Variants in UGGT2 observed in about 807,000 individuals in gnomAD.
UGGT2 encodes the protein UDP-glucose:glycoprotein glucosyltransferase 2.
UGGT2 carries 180 observed loss-of-function variants against 192.1 expected under a neutral mutation model. The observed-to-expected ratio is 0.94, with a 90% CI of 0.83 to 1.06. UGGT2 has a LOEUF of 1.06. Ranked by LOEUF, UGGT2 falls within the 50% of genes least tolerant of loss-of-function variation. The pLI, the probability that UGGT2 is intolerant of heterozygous loss-of-function variation, is 0.00. For synonymous variants in UGGT2, 580 were observed against 591.0 expected, an observed-to-expected ratio of 0.98 and a Z score of 0.27; for missense variants, 1,849 against 1,795.7, an observed-to-expected ratio of 1.03 and a Z score of -0.54.
chr13:95,808,091 A>G (rs182838863), intron 38 of UGGT2, among the ~76,000 whole-genome samples: 17 of 152,268 alleles, frequency 1.1e-4, no homozygotes, highest in Admixed American at 6.5e-4. Flanking sequence ...GGGTGGCCAG[A>G]GAGCATTGCC....
chr13:95,904,546 T>C (rs868595037), intron 20 of UGGT2, among the ~76,000 whole-genome samples: 2,930 of 149,690 alleles, frequency 0.02, 94 homozygotes, highest in African/African-American at 0.069. Context: ...ATATGCGGTG[T>C]TTGGTTTTTT....
rs900288396 is a variant in UGGT2 at position 95,985,289 on chromosome 13, G to A, written c.1031+1044C>T. The A allele has an allele frequency of 3.9e-6, 5 of 1,285,814 alleles. No individual in the cohort carries two copies. In the Admixed American group the frequency reaches 9.9e-5, roughly 26 times the overall value. The allele number at this position is 1,285,814 out of a possible 1,614,324, so 79.7% of individuals were successfully genotyped here. On this transcript the variant is annotated intron_variant, in intron 9 of 38. Transcript: ENST00000376747. The stretch of plus-strand genomic sequence containing the variant: ...ATAAATGACGACTTCTCAAATTCTT[G>A]ACATTTAAAGTTGACTGAAAGAGGC...
At chr13:95,910,522 T>C (rs1449062049) in intron 20 of UGGT2, among the ~76,000 whole-genome samples, 1 of 152,082 alleles carries the variant, frequency 6.6e-6, no homozygotes, top group East Asian at 1.9e-4. Flanking sequence ...ACGGATGAAT[T>C]GAACAAGAAT....
In UGGT2 at chr13:95,947,050, A is replaced by ATT; in HGVS notation, c.1663_1664insAA (p.Ile555LysfsTer4). On this transcript the variant is annotated frameshift_variant, in exon 15 of 39. Transcript: ENST00000376747. LOFTEE classifies it high-confidence loss of function. ...GCATAAACTCACGTGTACTATAGAAATAAATGCTTCTGATATATCAAATTC... is the reference window on the plus strand; with the variant it reads ...GCATAAACTCACGTGTACTATAGAAATTTAAATGCTTCTGATATATCAAATTC... 6.3e-7 allele frequency: 1 copy of ATT among 1,599,514 alleles called. No individual in the cohort carries two copies. The highest frequency in any genetic ancestry group is 8.5e-7 in the Non-Finnish European group (1 of 1,175,962).
At chr13:95,813,698 T>G (rs1407482687) in intron 38 of UGGT2, among the ~76,000 whole-genome samples, 1 of 152,192 alleles carries the variant, frequency 6.6e-6, no homozygotes, top group African/African-American at 2.4e-5. Flanking sequence ...AGCCAAGAGC[T>G]AACATCCAAG....
At chr13:95,990,979 T>G (rs933351355) in intron 7 of UGGT2, 7 of 152,272 alleles carry the variant, frequency 4.6e-5, no homozygotes, top group Non-Finnish European at 8.8e-5. Flanking sequence ...TGGTGTTTGG[T>G]TTTCTGTTCC....
rs79663776 is a variant in UGGT2, at chr13:95,878,110, A to G, written c.3229-254T>C. ...GGTATATGCACCAATATAACCAAGC[A>G]GGAAAGACGTGAACATGAGATTTAG... On this transcript the variant is annotated intron_variant, in intron 27 of 38. Coordinates refer to ENST00000376747, the MANE Select transcript of UGGT2 (RefSeq NM_020121.4). 6.1e-3 allele frequency among the ~76,000 whole-genome samples: 930 copies of G among 151,946 alleles called. 9 individuals are homozygous for G. The highest frequency in any genetic ancestry group is 0.021 in the African/African-American group (868 of 41,466).
chr13:95,809,678 G>A (rs992285083), intron 38 of UGGT2: 2 of 172,110 alleles, frequency 1.2e-5, no homozygotes, highest in Non-Finnish European at 2.6e-5. Context: ...TCAGCACACT[G>A]AGAGAGACCC....
chr13:95,906,622 G>A (rs1006822850), intron 20 of UGGT2, among the ~76,000 whole-genome samples: 1 of 152,224 alleles, frequency 6.6e-6, no homozygotes, highest in African/African-American at 2.4e-5. Flanking sequence ...GAAGCTCAAT[G>A]TACTCCAATA....
chr13:95,936,619 C>A lies in UGGT2; in HGVS notation c.1977+305G>T, dbSNP rs79984498. 3.7e-3 allele frequency among the ~76,000 whole-genome samples: 558 copies of A among 152,322 alleles called. 1 individual carries two copies. The highest frequency in any genetic ancestry group is 3.8e-3 in the Non-Finnish European group (261 of 68,028). On this transcript the variant is annotated intron_variant, in intron 17 of 38. Coordinates refer to ENST00000376747, the MANE Select transcript of UGGT2 (RefSeq NM_020121.4). Reference sequence around the variant, plus strand: ...GTGCCTAGGCATGGAGCTGGGAAACCTCCTTGGCTCCAAGTTCTCTGCAGA... The same window carrying A: ...GTGCCTAGGCATGGAGCTGGGAAACATCCTTGGCTCCAAGTTCTCTGCAGA...
chr13:95,972,130 T>C (rs1428967920), intron 11 of UGGT2, among the ~76,000 whole-genome samples: 1 of 116,286 alleles, frequency 8.6e-6, no homozygotes, highest in Non-Finnish European at 1.7e-5. Context: ...AAAAAAATTT[T>C]GAAGAATTTT....
rs780856448 is a variant in UGGT2, at chr13:95,900,838, G to T, written c.2603C>A (p.Pro868His). The T allele has an allele frequency of 1.2e-6, 2 of 1,611,226 alleles. No individual in the cohort carries two copies. The highest frequency in any genetic ancestry group is 1.7e-6 in the Non-Finnish European group (2 of 1,178,898). The change falls in exon 22 of 39, where the codon CCT (proline) becomes CAT (histidine). Residue 868 changes from proline (P) to histidine (H), a missense_variant. Transcript: ENST00000376747. ...LFCQDVLKLR[P>H]GEMGIVSNGR... Reference sequence around the variant, plus strand: ...ATTGCTGACAATACCCATTTCTCCAGGACGTAATTTAAGTACATCTTGACA... The same window carrying T: ...ATTGCTGACAATACCCATTTCTCCATGACGTAATTTAAGTACATCTTGACA...
intron 16 of UGGT2, 72 bp downstream of exon 16, chr13:95,939,885 A>G (rs892322925): frequency 3.3e-5 from 41 of 1,253,518 alleles, no homozygotes; most frequent in Non-Finnish European, 4.2e-5. Flanking sequence ...AAGATTCTAC[A>G]TGAGTAGAGA....
chr13:96,023,123 A>C lies in UGGT2; in HGVS notation c.402T>G (p.Gly134=), dbSNP rs748173720. 6.3e-7 allele frequency: 1 copy of C among 1,596,104 alleles called. No homozygotes were observed. Among genetic ancestry groups the C allele is most frequent in the Non-Finnish European group, 8.5e-7 (1 of 1,169,940 alleles). Residue 134 remains glycine, a synonymous_variant, in exon 4 of 39, where the codon GGT becomes GGG. Coordinates refer to ENST00000376747, the MANE Select transcript of UGGT2 (RefSeq NM_020121.4). The part of the protein sequence containing the change: ...QIAADEPPPD[G]CNAFVVIHKK... ...TATGAATAACCACAAATGCATTACA[A>C]CCATCTGGTGGTGGCTCATCAGCTG...
intron 36 of UGGT2, among the ~76,000 whole-genome samples, chr13:95,839,644 G>T (rs1338344231): frequency 6.6e-6 from 1 of 152,086 alleles, no homozygotes; most frequent in Non-Finnish European, 1.5e-5. Context: ...ACTCTCTTGG[G>T]TATATATCTA....
intron 20 of UGGT2, among the ~76,000 whole-genome samples, chr13:95,917,703 AAG>A (rs1162624842): frequency 6.6e-6 from 1 of 152,226 alleles, no homozygotes; most frequent in Non-Finnish European, 1.5e-5. Flanking sequence ...GCTCAAAATA[AAG>A]AGATGGAGGA....
At chr13:95,927,403 G>C in intron 17 of UGGT2, 67 bp from the exon 18 acceptor site, 3 of 1,327,520 alleles carry the variant, frequency 2.3e-6, no homozygotes, top group Non-Finnish European at 3.0e-6. Context: ...AAAGTATGCA[G>C]ATAACACAAA....
chr13:95,928,292 A>ACCTCCCCGACGGGACGGCTGGCCGGGCG lies in UGGT2; in HGVS notation c.1978-957_1978-956insCGCCCGGCCAGCCGTCCCGTCGGGGAGG, dbSNP rs1566711335. On this transcript the variant is annotated intron_variant, in intron 17 of 38. Coordinates refer to ENST00000376747, the MANE Select transcript of UGGT2 (RefSeq NM_020121.4). ...TCCTGGACGGGGCGGCTGGCCGGGC[A>ACCTCCCCGACGGGACGGCTGGCCGGGCG]GGGGCTGCCCCCCACCTCCCCGACG... Among the ~76,000 whole-genome samples, 431 of 149,904 alleles carry ACCTCCCCGACGGGACGGCTGGCCGGGCG rather than the reference A, an allele frequency of 2.9e-3. 5 individuals carry two copies. The highest frequency in any genetic ancestry group is 0.01 in the Middle Eastern group (3 of 286).
At chr13:96,032,160 T>A (rs2052856681) in intron 1 of UGGT2, among the ~76,000 whole-genome samples, 189 bp from the exon 2 acceptor site, 1 of 152,182 alleles carries the variant, frequency 6.6e-6, no homozygotes, top group Non-Finnish European at 1.5e-5. Flanking sequence ...ACCTGAGATA[T>A]CATTCTCAAC....
Sources: gnomAD v4.1 joint callset for allele counts (sites outside exome capture counted in the v4.1 genomes callset) on GRCh38, gnomAD v4.1.1 for gene constraint, MANE v1.5 for transcripts, NCBI Gene and HGNC (gene_info 2026-07-23, HGNC 2026-07-21) for gene names.